Variants in HK3 observed in about 807,000 individuals in gnomAD.
HK3 encodes hexokinase 3, also known as hexokinase-3.
Under a neutral mutation model 91.0 loss-of-function variants are expected in HK3, and 93 were observed. The ratio of observed to expected loss-of-function variants is 1.02; its 90% CI spans 0.86 to 1.21. HK3 has a LOEUF of 1.21. Ranked by LOEUF, HK3 falls within the 50% of genes most tolerant of loss-of-function variation. The pLI, the probability that HK3 is intolerant of heterozygous loss-of-function variation, is 0.00. For synonymous variants in HK3, 519 were observed against 516.9 expected (o/e 1.00, Z -0.06); for missense variants, 1,235 against 1,247.4 (o/e 0.99, Z 0.15).
At position 176,880,949 on chromosome 5, in the gene HK3, G is replaced by A. The variant is rs933900358; in HGVS notation, c.*124C>T. ...AGCCAGGGAGCAAGGCCAAATGGCC[G>A]CAGAGGGGTCACACATGGGATGTCC... On this transcript the variant is annotated 3_prime_UTR_variant, in exon 19 of 19. Coordinates refer to ENST00000292432, the MANE Select transcript of HK3 (RefSeq NM_002115.3). 20 of 1,121,546 alleles carry A rather than the reference G, an allele frequency of 1.8e-5. No individual in the cohort carries two copies. The highest frequency in any genetic ancestry group is 6.3e-5 in the Admixed American group (2 of 31,684). The allele number at this position is 1,121,546 out of a possible 1,614,324, so 69.5% of individuals were successfully genotyped here. A position where few individuals can be genotyped will look rare whatever the true frequency, so the allele number is the denominator to read the frequency against.
In HK3 at chr5:176,887,872, C is replaced by T. The variant is rs691693; in HGVS notation, c.1305-126G>A. On this transcript the variant is annotated intron_variant, in intron 10 of 18. Transcript: ENST00000292432. This position sits in a 1 kb window ranked among gnomAD's most constrained non-coding sequence, Gnocchi z 4.9. ...CCAGCTTGGCCCCAGACCCCTAGGG[C>T]CTCCTGAAGCCCAAGGCCCCATCAC... 435,103 of 857,470 alleles carry T rather than the reference C, an allele frequency of 0.51. 116,320 individuals carry two copies. The highest frequency in any genetic ancestry group is 0.6 in the Admixed American group (20,960 of 34,724). 53.1% of individuals were successfully genotyped at this position (857,470 alleles called of 1,614,324 possible). A position where few individuals can be genotyped will look rare whatever the true frequency, so the allele number is the denominator to read the frequency against.
Position 176,881,456 on chromosome 5 carries a change from C to T in HK3, c.2473G>A (p.Val825Met), listed in dbSNP as rs1254299628. 6 of 1,609,830 alleles carry T rather than the reference C, an allele frequency of 3.7e-6. No homozygotes were observed. The highest frequency in any genetic ancestry group is 2.2e-5 in the East Asian group (1 of 44,878). ...GACACAGCCTGGCACACCTCTAGCA[C>T]CATCAGGGCGTCATCTGAGGTCAGG... ...LPLTSDDALM[V>M]LEVCQAVSQR... The change falls in exon 18 of 19, where the codon GTG (valine) becomes ATG (methionine). Residue 825 changes from valine (V) to methionine (M), a missense_variant. Coordinates refer to ENST00000292432, the MANE Select transcript of HK3 (RefSeq NM_002115.3).
At chr5:176,883,586 C>T (rs768785147) in intron 15 of HK3, among the ~76,000 whole-genome samples, 184 bp downstream of exon 15, 1 of 152,180 alleles carries the variant, frequency 6.6e-6, no homozygotes, top group Non-Finnish European at 1.5e-5. Flanking sequence ...ATGAGTCAGT[C>T]ACTGAGCTGG....
chr5:176,898,902 G>T (rs576380), intron 1 of HK3, among the ~76,000 whole-genome samples: 14,113 of 152,248 alleles, frequency 0.093, 1,318 homozygotes, highest in African/African-American at 0.24. Flanking sequence ...GGAGGCTGAG[G>T]CAGACAGACT....
In HK3 at chr5:176,884,697, T is replaced by C. The variant is rs879572350; in HGVS notation, c.1858-563A>G. ...GCAGGATGAAGGCTGAGTGCCCAGA[T>C]TGTGAGAAAAGGGACTTAAACTTAG... On this transcript the variant is annotated intron_variant, in intron 13 of 18. Transcript: ENST00000292432. This position sits in a 1 kb window ranked among gnomAD's most constrained non-coding sequence, Gnocchi z 4.1. 2.6e-4 allele frequency among the ~76,000 whole-genome samples: 39 copies of C among 152,174 alleles called. No individual in the cohort carries two copies. The highest frequency in any genetic ancestry group is 7.7e-4 in the African/African-American group (32 of 41,440).
chr5:176,895,347 G>A (rs774464366), intron 2 of HK3, among the ~76,000 whole-genome samples: 4 of 152,172 alleles, frequency 2.6e-5, no homozygotes, highest in South Asian at 4.1e-4. Context: ...AAAGTGCTGG[G>A]ATTACAGGCG....
intron 6 of HK3, among the ~76,000 whole-genome samples, 175 bp downstream of exon 6, chr5:176,890,460 C>A (rs1442362124): frequency 6.6e-6 from 1 of 152,156 alleles, no homozygotes; most frequent in Non-Finnish European, 1.5e-5. Flanking sequence ...TTAACCTATA[C>A]AATGGGAATG....
At chr5:176,895,219 C>T (rs1405534722) in intron 2 of HK3, among the ~76,000 whole-genome samples, 1 of 151,968 alleles carries the variant, frequency 6.6e-6, no homozygotes. Flanking sequence ...GCTGGGATTA[C>T]AGGCATGTGC....
At chr5:176,891,360 G>C (rs745988556) in intron 3 of HK3, 28 bp downstream of exon 3, 1 of 1,609,586 alleles carries the variant, frequency 6.2e-7, no homozygotes, top group Non-Finnish European at 8.5e-7. Context: ...TCCAGGCCTG[G>C]CCACGCATCT....
chr5:176,885,969 G>A (rs1758575316), intron 13 of HK3, among the ~76,000 whole-genome samples: 1 of 151,840 alleles, frequency 6.6e-6, no homozygotes, highest in African/African-American at 2.4e-5. Flanking sequence ...GAGTGCGGTG[G>A]CTCACGCCTG....
At chr5:176,886,478 C>A (rs1323307448) in intron 13 of HK3, among the ~76,000 whole-genome samples, 2 of 151,868 alleles carry the variant, frequency 1.3e-5, no homozygotes, top group African/African-American at 4.8e-5. Context: ...GTTTCCGTGA[C>A]AGGCTTCCGG....
intron 1 of HK3, among the ~76,000 whole-genome samples, chr5:176,896,627 A>T (rs938724237): frequency 6.6e-6 from 1 of 152,200 alleles, no homozygotes; most frequent in Non-Finnish European, 1.5e-5. Flanking sequence ...GACATGCTAG[A>T]GGCTTGGAAC....
chr5:176,895,656 G>C (rs1329030176), intron 2 of HK3, among the ~76,000 whole-genome samples: 1 of 152,206 alleles, frequency 6.6e-6, no homozygotes, highest in African/African-American at 2.4e-5. Context: ...CATGCAGGAG[G>C]AACTGGAGAG....
Position 176,889,684 on chromosome 5 carries a change from C to T in HK3, c.691G>A (p.Glu231Lys), listed in dbSNP as rs902461728. ...ACCTCACACGGCCTGACCCCCGGCT[C>T]ACAGCCCATCATGGTGCCCACTGTG... is the stretch of plus-strand genomic sequence containing the variant. The part of the protein sequence containing the change: ...NDTVGTMMGC[E>K]PGVRPCEVGL... Residue 231 changes from glutamate (E) to lysine (K), a missense_variant, in exon 7 of 19, where the codon GAG becomes AAG. Around this residue, in one of 3 missense-constraint regions of HK3, gnomAD observed 717 missense variants for 751.6 expected, o/e 0.95. Coordinates refer to ENST00000292432, the MANE Select transcript of HK3 (RefSeq NM_002115.3). The T allele has an allele frequency of 1.9e-6, 3 of 1,614,116 alleles. No homozygotes were observed. The highest frequency in any genetic ancestry group is 1.6e-4 in the Middle Eastern group (1 of 6,084).
intron 1 of HK3, among the ~76,000 whole-genome samples, chr5:176,896,977 A>T (rs563325082): frequency 1.3e-5 from 2 of 148,396 alleles, no homozygotes; most frequent in South Asian, 4.1e-4. Flanking sequence ...GATGCAGAGC[A>T]GAAAGAGCCC....
Position 176,888,694 on chromosome 5 carries a change from A to G in HK3, c.1070+15T>C, listed in dbSNP as rs1427009994. The G allele has an allele frequency of 1.9e-6, 3 of 1,613,816 alleles. No individual in the cohort carries two copies. In the African/African-American group the frequency reaches 4.0e-5, roughly 22 times the overall value. On this transcript the variant is annotated intron_variant, in intron 9 of 18. Coordinates refer to ENST00000292432, the MANE Select transcript of HK3 (RefSeq NM_002115.3). The stretch of plus-strand genomic sequence containing the variant: ...GCCAAGAATCCCCCACTAAACCACC[A>G]TCTCCCCGACTCACTCCTCCATCTC...
intron 13 of HK3, among the ~76,000 whole-genome samples, chr5:176,885,363 G>T (rs1446706107): frequency 2.0e-5 from 3 of 152,198 alleles, no homozygotes; most frequent in Non-Finnish European, 4.4e-5. Context: ...GAGCCAAAGG[G>T]GCTCCTGGGG....
chr5:176,881,702 C>G lies in HK3; in HGVS notation c.2383G>C (p.Glu795Gln). The G allele has an allele frequency of 6.2e-7, 1 of 1,614,126 alleles. No individual in the cohort carries two copies. ...GTAGGCCTCAGGCACCTTTCGATCT[C>G]AGAGAGGAACTTGGTCTTGAAGATG... ...RDIFKTKFLS[E>Q]IESDSLALRQ... The change falls in exon 17 of 19, where the codon GAG becomes CAG. Residue 795 changes from glutamate (E) to glutamine (Q), a missense_variant. Around this residue, in one of 3 missense-constraint regions of HK3, gnomAD observed 513 missense variants for 477.4 expected, o/e 1.07. Coordinates refer to ENST00000292432, the MANE Select transcript of HK3 (RefSeq NM_002115.3).
chr5:176,892,688 A>G (rs1005515133), intron 2 of HK3, among the ~76,000 whole-genome samples: 4 of 152,118 alleles, frequency 2.6e-5, no homozygotes, highest in African/African-American at 9.7e-5. Context: ...TTCCATTTCA[A>G]TGACCTATTG....
Sources: gnomAD v4.1 joint callset for allele counts (sites outside exome capture counted in the v4.1 genomes callset) on GRCh38, gnomAD v4.1.1 for gene constraint, gnomAD v4.1.1 regional missense constraint, Gnocchi (gnomAD v3.1) non-coding constraint, MANE v1.5 for transcripts, NCBI Gene and HGNC (gene_info 2026-07-23, HGNC 2026-07-21) for gene names.